The following CA5B variants were observed in gnomAD, a reference collection of about 807,000 sequenced individuals.
CA5B encodes carbonic anhydrase 5B, mitochondrial.
A neutral mutation model predicts 23.1 loss-of-function variants in CA5B; 15 were observed. The ratio of observed to expected loss-of-function variants is 0.65; its 90% confidence interval spans 0.43 to 1.00. The LOEUF (loss-of-function observed/expected upper bound fraction) is 1.00, where lower values mean the gene tolerates loss of function less well. Among genes scored for constraint, CA5B ranks in the 50% least tolerant of loss-of-function variants. CA5B has a pLI of 0.00. For missense variants in CA5B, 236 were observed against 252.2 expected (o/e 0.94, Z 0.43); for synonymous variants, 84 against 98.5 (o/e 0.85, Z 0.87).
At chrX:15,769,560 T>C (rs1440544705) in intron 3 of CA5B, 1 of 753,650 alleles carries the variant, frequency 1.3e-6, no homozygotes, top group Non-Finnish European at 1.6e-6. Context: ...TCCATCCTGC[T>C]TCCCTGACTT....
chrX:15,753,858 T>C (rs762970804), intron 2 of CA5B, among the ~76,000 whole-genome samples: 94 of 112,392 alleles, frequency 8.4e-4, no homozygotes, highest in Non-Finnish European at 5.1e-4. Context: ...CCAGGTGAGC[T>C]GAGATCGTGC....
At chrX:15,749,489 GTTTTGT>G (rs1012332660) in intron 1 of CA5B, among the ~76,000 whole-genome samples, 2 of 111,530 alleles carry the variant, frequency 1.8e-5, no homozygotes, top group African/African-American at 6.5e-5. Flanking sequence ...TGGGTTTTTT[GTTTTGT>G]TTTTGTTTTT....
At chrX:15,762,421 A>C (rs1234182983) in intron 2 of CA5B, among the ~76,000 whole-genome samples, 2 of 110,308 alleles carry the variant, frequency 1.8e-5, no homozygotes, top group Non-Finnish European at 3.8e-5. Context: ...AGAGTAACAA[A>C]ACAACTACCT....
rs1413253581 is a variant in CA5B, at chrX:15,785,341, A to C, written c.*2677A>C. On this transcript the variant is annotated 3_prime_UTR_variant, in exon 8 of 8. Coordinates refer to ENST00000318636, the MANE Select transcript of CA5B (RefSeq NM_007220.4). Reference sequence around the variant, plus strand: ...GTCAATGGAATATTATTCAGCCTTTAAAAAGAAGGAAATCCTGTCAAATGT... The same window carrying C: ...GTCAATGGAATATTATTCAGCCTTTCAAAAGAAGGAAATCCTGTCAAATGT... 2 of 112,658 alleles carry C rather than the reference A, an allele frequency of 1.8e-5. No individual in the cohort carries two copies. The highest frequency in any genetic ancestry group is 3.7e-5 in the Non-Finnish European group (2 of 53,363). The allele number at this position is 112,658 out of a possible 1,213,427, so 9.3% of individuals were successfully genotyped here. A position where few individuals can be genotyped will look rare whatever the true frequency, so the allele number is the denominator to read the frequency against.
At chrX:15,780,446 G>T (rs1379575128) in intron 7 of CA5B, among the ~76,000 whole-genome samples, 1 of 110,103 alleles carries the variant, frequency 9.1e-6, no homozygotes. Context: ...CTAATTTTTT[G>T]TATTTTTAGT....
intron 2 of CA5B, among the ~76,000 whole-genome samples, chrX:15,758,315 C>A (rs1931534361): frequency 9.0e-6 from 1 of 110,685 alleles, no homozygotes; most frequent in South Asian, 3.9e-4. Flanking sequence ...AAGAATTTGC[C>A]TTCTTGCTGC....
intron 2 of CA5B, among the ~76,000 whole-genome samples, chrX:15,760,736 A>G (rs1931588229): frequency 9.0e-6 from 1 of 111,369 alleles, no homozygotes; most frequent in Non-Finnish European, 1.9e-5. Context: ...CTCAGAGGGG[A>G]AGGTGCATAG....
chrX:15,775,587 C>T, intron 6 of CA5B: 1 of 835,487 alleles, frequency 1.2e-6, no homozygotes. Context: ...CTTCTAAGTC[C>T]TTGTGAACAC....
At chrX:15,748,055 G>A (rs1485246708) in intron 1 of CA5B, among the ~76,000 whole-genome samples, 2 of 111,623 alleles carry the variant, frequency 1.8e-5, no homozygotes, top group African/African-American at 3.3e-5. Flanking sequence ...AGATTGGTTC[G>A]ACCAGGTGTG....
chrX:15,739,114 G>GC (rs977729753), intron 1 of CA5B, among the ~76,000 whole-genome samples: 30 of 112,309 alleles, frequency 2.7e-4, no homozygotes, highest in Admixed American at 4.7e-4. Context: ...TGATGTCAGT[G>GC]CCCTTCCCTC....
At chrX:15,755,694 G>T (rs1249125686) in intron 2 of CA5B, among the ~76,000 whole-genome samples, 1 of 112,311 alleles carries the variant, frequency 8.9e-6, no homozygotes, top group African/African-American at 3.2e-5. Context: ...CCAGGACTTT[G>T]GGAGGCCAAG....
chrX:15,745,198 G>GAA (rs1284527720), intron 1 of CA5B, among the ~76,000 whole-genome samples: 3 of 104,689 alleles, frequency 2.9e-5, no homozygotes, highest in African/African-American at 1.0e-4. Context: ...GAAAAGAAAA[G>GAA]AAAAGAAAAG....
At chrX:15,775,457 G>A (rs1931904152) in intron 6 of CA5B, 149 bp downstream of exon 6, 5 of 996,928 alleles carry the variant, frequency 5.0e-6, no homozygotes, top group Admixed American at 9.6e-5. Flanking sequence ...TGATTCCAGG[G>A]GACAGAAGTC....
At chrX:15,771,224 A>T (rs1158142846) in intron 3 of CA5B, among the ~76,000 whole-genome samples, 6 of 103,080 alleles carry the variant, frequency 5.8e-5, no homozygotes, top group African/African-American at 2.1e-4. Context: ...AAAAAAAAAA[A>T]GCCTGGCATG....
chrX:15,775,836 C>T, intron 6 of CA5B: 4 of 743,748 alleles, frequency 5.4e-6, no homozygotes, highest in Non-Finnish European at 6.3e-6. Context: ...CCCTCTGGTC[C>T]CCACCTCTTT....
At position 15,764,764 on chromosome X, in the gene CA5B, C is replaced by T; in HGVS notation, c.329C>T (p.Thr110Ile). 9.0e-7 allele frequency: 1 copy of T among 1,117,172 alleles called. No individual in the cohort carries two copies. Among genetic ancestry groups the T allele is most frequent in the Non-Finnish European group, 1.2e-6 (1 of 830,946 alleles). The allele number at this position is 1,117,172 out of a possible 1,213,427, so 92.1% of individuals were successfully genotyped here. The part of the protein sequence containing the change: ...YSFLVEFEDS[T>I]DKSVIKGGPL... Reference sequence around the variant, plus strand: ...TTCCTCGTGGAATTTGAAGATTCTACAGATAAATCAGGTGAGGGCAAGATC... The same window carrying T: ...TTCCTCGTGGAATTTGAAGATTCTATAGATAAATCAGGTGAGGGCAAGATC... The change falls in exon 3 of 8, where the codon ACA (threonine) becomes ATA (isoleucine). Residue 110 changes from threonine (T) to isoleucine (I), a missense_variant. Thr to Ile is a moderately conservative substitution (Grantham distance 89, BLOSUM62 -1). Coordinates refer to ENST00000318636, the MANE Select transcript of CA5B (RefSeq NM_007220.4).
chrX:15,774,745 G>A (rs1465682379), intron 5 of CA5B, among the ~76,000 whole-genome samples: 2 of 111,632 alleles, frequency 1.8e-5, no homozygotes, highest in Non-Finnish European at 3.8e-5. Flanking sequence ...GAGGCAGGAG[G>A]ATCGCTTGCT....
intron 1 of CA5B, among the ~76,000 whole-genome samples, chrX:15,742,774 C>G (rs1931149246): frequency 8.9e-6 from 1 of 112,621 alleles, no homozygotes; most frequent in African/African-American, 3.2e-5. Context: ...TTACTTAGAG[C>G]AGTGATTTTC....
chrX:15,774,738 G>T (rs866424543), intron 5 of CA5B, among the ~76,000 whole-genome samples: 6 of 111,665 alleles, frequency 5.4e-5, no homozygotes, highest in Middle Eastern at 9.3e-3. Context: ...GGAGGCTGAG[G>T]CAGGAGGATC....
Sources: allele counts gnomAD v4.1 joint callset (sites outside exome capture counted in the v4.1 genomes callset), GRCh38; gene constraint gnomAD v4.1.1; transcripts MANE v1.5; gene names NCBI Gene and HGNC (gene_info 2026-07-23, HGNC 2026-07-21).